The following SYT16 variants were observed in gnomAD, a reference collection of about 807,000 sequenced individuals.
The protein encoded by SYT16 is synaptotagmin 16.
A neutral mutation model predicts 61.4 loss-of-function variants in SYT16; 42 were observed. The observed-to-expected ratio is 0.68, with a 90% confidence interval of 0.53 to 0.89. SYT16 has a LOEUF of 0.89. Among genes scored for constraint, SYT16 ranks in the 40% least tolerant of loss-of-function variants. The pLI is 0.00. For synonymous variants in SYT16, 314 were observed against 302.3 expected, an observed-to-expected ratio of 1.04 and a Z score of -0.40; for missense variants, 804 against 807.3, an observed-to-expected ratio of 1.00 and a Z score of 0.05.
intron 1 of SYT16, among the ~76,000 whole-genome samples, chr14:61,961,265 A>G (rs934041349): frequency 6.6e-6 from 1 of 152,194 alleles, no homozygotes; most frequent in Non-Finnish European, 1.5e-5. Context: ...AAAAATTGAC[A>G]CCTGGGACCT....
intron 1 of SYT16, among the ~76,000 whole-genome samples, chr14:61,916,443 G>A (rs188009323): frequency 2.0e-5 from 3 of 151,874 alleles, no homozygotes; most frequent in East Asian, 3.9e-4. Context: ...TTTTCCCTGC[G>A]ATTTATTTTT....
At chr14:61,907,740 A>G (rs939857816) in intron 1 of SYT16, among the ~76,000 whole-genome samples, 3 of 152,236 alleles carry the variant, frequency 2.0e-5, no homozygotes, top group Admixed American at 6.5e-5. Context: ...TGTTTTATGA[A>G]TCACACAGGT....
chr14:61,969,235 T>A (rs1475698094), intron 1 of SYT16, among the ~76,000 whole-genome samples: 2 of 151,838 alleles, frequency 1.3e-5, no homozygotes, highest in African/African-American at 4.8e-5. Flanking sequence ...TGAATCATTC[T>A]TGATATTTGT....
At chr14:61,831,638 C>T (rs1230077439) in intron 1 of SYT16, among the ~76,000 whole-genome samples, 2 of 152,112 alleles carry the variant, frequency 1.3e-5, no homozygotes, top group African/African-American at 4.8e-5. Flanking sequence ...TTCATTGATT[C>T]ATATTCATAT....
intron 1 of SYT16, among the ~76,000 whole-genome samples, chr14:61,847,113 G>A (rs2046468202): frequency 6.6e-6 from 1 of 152,078 alleles, no homozygotes; most frequent in South Asian, 2.1e-4. Flanking sequence ...TGTTATGTAT[G>A]TTTCTCCTTG....
intron 1 of SYT16, among the ~76,000 whole-genome samples, chr14:61,938,618 C>T (rs577683438): frequency 6.6e-6 from 1 of 152,176 alleles, no homozygotes; most frequent in Non-Finnish European, 1.5e-5. Flanking sequence ...AAGAGACAAG[C>T]AAAAGGATTT....
At position 62,100,581 on chromosome 14, in the gene SYT16, A is replaced by G; in HGVS notation, c.1812A>G (p.Lys604=). ...SVYNRRTMKR[K]EMIGWIALGQ... ...ATAACAGGCGTACTATGAAGCGTAA[A>G]GAGATGATTGGCTGGATTGCCCTGG... The change falls in exon 8 of 8, where the codon AAA becomes AAG. Residue 604 remains lysine, a synonymous_variant. Coordinates refer to ENST00000683842, the MANE Select transcript of SYT16 (RefSeq NM_001367656.1). 6.2e-7 allele frequency: 1 copy of G among 1,613,822 alleles called. No homozygotes were observed. Among genetic ancestry groups the G allele is most frequent in the Non-Finnish European group, 8.5e-7 (1 of 1,179,810 alleles).
At chr14:61,846,827 TG>T (rs2140263347) in intron 1 of SYT16, among the ~76,000 whole-genome samples, 1 of 152,324 alleles carries the variant, frequency 6.6e-6, no homozygotes, top group Non-Finnish European at 1.5e-5. Flanking sequence ...ATCTGTTGTA[TG>T]TTTTTTTATT....
chr14:61,942,181 C>T (rs371254177), intron 1 of SYT16, among the ~76,000 whole-genome samples: 24 of 152,292 alleles, frequency 1.6e-4, no homozygotes, highest in African/African-American at 4.6e-4. Context: ...CTTGCTAAGT[C>T]GCTTGGCCTC....
chr14:61,906,735 ATCCATCCATCCATCCT>A (rs1566669394), intron 1 of SYT16, among the ~76,000 whole-genome samples: 2 of 99,266 alleles, frequency 2.0e-5, no homozygotes, highest in East Asian at 7.3e-4. Context: ...CCATCCATCC[ATCCATCCATCCATCCT>A]TCCGTCCGTC....
At chr14:62,012,325 G>T (rs879228232) in intron 3 of SYT16, among the ~76,000 whole-genome samples, 1 of 152,156 alleles carries the variant, frequency 6.6e-6, no homozygotes, top group Non-Finnish European at 1.5e-5. Context: ...GAGGGCCCCA[G>T]CTTCTTGCTG....
At chr14:62,013,567 G>T (rs1314795757) in intron 3 of SYT16, among the ~76,000 whole-genome samples, 1 of 152,036 alleles carries the variant, frequency 6.6e-6, no homozygotes, top group Non-Finnish European at 1.5e-5. Flanking sequence ...ATGTTTTTTT[G>T]TTTGTTTGTT....
intron 3 of SYT16, among the ~76,000 whole-genome samples, chr14:62,011,166 A>G (rs2053432427): frequency 6.6e-6 from 1 of 152,188 alleles, no homozygotes; most frequent in Admixed American, 6.5e-5. Flanking sequence ...TAAAGGTGTG[A>G]GCTCAAGTAA....
chr14:62,017,408 C>T (rs1042208013), intron 3 of SYT16, among the ~76,000 whole-genome samples: 6 of 152,124 alleles, frequency 3.9e-5, no homozygotes, highest in Non-Finnish European at 7.3e-5. Flanking sequence ...TTGAATTATC[C>T]AAGCATATGC....
At chr14:62,059,165 C>G (rs566565345) in intron 3 of SYT16, among the ~76,000 whole-genome samples, 1 of 152,076 alleles carries the variant, frequency 6.6e-6, no homozygotes, top group African/African-American at 2.4e-5. Flanking sequence ...TACAAAAAAA[C>G]CCCCATGACG....
chr14:61,847,765 C>G (rs2046487012), intron 1 of SYT16, among the ~76,000 whole-genome samples: 2 of 151,906 alleles, frequency 1.3e-5, no homozygotes, highest in African/African-American at 4.8e-5. Context: ...CTTTTATCTC[C>G]TCTTACTGTA....
intron 1 of SYT16, among the ~76,000 whole-genome samples, chr14:61,910,363 C>G (rs574043886): frequency 6.6e-6 from 1 of 151,672 alleles, no homozygotes; most frequent in African/African-American, 2.4e-5. Context: ...CTCAGCCTCC[C>G]GAGTAGCTGA....
intron 1 of SYT16, among the ~76,000 whole-genome samples, chr14:61,891,446 A>C (rs1253098936): frequency 1.3e-5 from 2 of 152,142 alleles, no homozygotes; most frequent in African/African-American, 4.8e-5. Flanking sequence ...CTGTTGACTC[A>C]TGTTGGATGA....
chr14:62,095,922 T>C (rs1265845823), intron 7 of SYT16, among the ~76,000 whole-genome samples: 1 of 152,048 alleles, frequency 6.6e-6, no homozygotes, highest in Non-Finnish European at 1.5e-5. Context: ...ATGATTATAA[T>C]AAATATTGTC....
Sources: allele counts gnomAD v4.1 joint callset (sites outside exome capture counted in the v4.1 genomes callset), GRCh38; gene constraint gnomAD v4.1.1; transcripts MANE v1.5; gene names NCBI Gene and HGNC (gene_info 2026-07-23, HGNC 2026-07-21).